EXT1: variants seen among roughly 807,000 people sequenced by gnomAD.
EXT1 encodes exostosin glycosyltransferase 1, also known as exostosin-1.
A neutral mutation model predicts 82.5 loss-of-function variants in EXT1; 20 were observed. That is an observed-to-expected ratio of 0.24 (90% CI 0.17 to 0.35). The LOEUF is 0.35. Among genes scored for constraint, EXT1 ranks in the 10% least tolerant of loss-of-function variants. The probability of loss-of-function intolerance (pLI) is 1.00; values close to 1 mark genes in which losing one functional copy is unlikely to be tolerated. For synonymous variants in EXT1, 348 were observed against 350.8 expected (o/e 0.99, Z 0.09); for missense variants, 757 against 936.5 (o/e 0.81, Z 2.50).
At chr8:117,907,102 T>A (rs1484880011) in intron 1 of EXT1, among the ~76,000 whole-genome samples, 1 of 152,196 alleles carries the variant, frequency 6.6e-6, no homozygotes, top group Non-Finnish European at 1.5e-5. Context: ...CCTCAAGGTA[T>A]CCCTTCTTCC....
chr8:117,945,334 C>T (rs1814366437), intron 1 of EXT1, among the ~76,000 whole-genome samples: 1 of 152,098 alleles, frequency 6.6e-6, no homozygotes, highest in African/African-American at 2.4e-5. Flanking sequence ...ATCATCAGGA[C>T]CCCTCTCTGA....
At chr8:118,096,632 A>G (rs1387491170) in intron 1 of EXT1, among the ~76,000 whole-genome samples, 2 of 13,530 alleles carry the variant, frequency 1.5e-4, no homozygotes, top group South Asian at 7.2e-3. Context: ...GGAAGGAAGG[A>G]AGGAAGGAAG....
intron 1 of EXT1, among the ~76,000 whole-genome samples, chr8:117,923,772 T>C (rs899577945): frequency 3.3e-5 from 5 of 151,220 alleles, no homozygotes; most frequent in African/African-American, 1.2e-4. Context: ...ATGACCCAAC[T>C]TTCCACTCAT....
intron 1 of EXT1, among the ~76,000 whole-genome samples, chr8:118,077,337 A>T (rs1817230069): frequency 6.6e-6 from 1 of 152,222 alleles, no homozygotes; most frequent in Non-Finnish European, 1.5e-5. Flanking sequence ...AACCTGATCA[A>T]ATTCCCACCA....
intron 1 of EXT1, among the ~76,000 whole-genome samples, chr8:118,041,805 C>T (rs13282822): frequency 1.3e-5 from 2 of 151,702 alleles, no homozygotes; most frequent in Non-Finnish European, 2.9e-5. Flanking sequence ...AAAATTAGCT[C>T]GGCGTGGTGG....
chr8:117,829,235 A>G (rs1315145585), intron 4 of EXT1, among the ~76,000 whole-genome samples: 2 of 152,006 alleles, frequency 1.3e-5, no homozygotes, highest in East Asian at 1.9e-4. Flanking sequence ...CCTCAGGCCA[A>G]TGCTATCTGC....
rs537741451 is a variant in EXT1, at chr8:117,886,804, C to T, written c.963-49603G>A. Reference sequence around the variant, plus strand: ...GGTTTCTACCTGCTATGAAGTGGTGCTTAAATGGGCAAAATTATTCAAGGG... The same window carrying T: ...GGTTTCTACCTGCTATGAAGTGGTGTTTAAATGGGCAAAATTATTCAAGGG... On this transcript the variant is annotated intron_variant, in intron 1 of 10. Transcript: ENST00000378204. 5.3e-4 allele frequency among the ~76,000 whole-genome samples: 81 copies of T among 152,170 alleles called. No individual in the cohort carries two copies. The Middle Eastern group carries it at 0.024, about 45-fold the overall frequency.
In EXT1 at chr8:117,835,438, C is replaced by T. The variant is rs1172166916; in HGVS notation, c.1164+6G>A. On this transcript the variant is annotated splice_donor_region_variant and intron_variant, in intron 3 of 10. Transcript: ENST00000378204. ...GATGTGTTGAAGGCCACAGCCCCTT[C>T]CTTACCTGTAATAACAATCTCTCAT... 1 of 1,610,374 alleles carries T rather than the reference C, an allele frequency of 6.2e-7. No homozygotes were observed. Among genetic ancestry groups the T allele is most frequent in the Non-Finnish European group, 8.5e-7 (1 of 1,176,588 alleles).
intron 1 of EXT1, among the ~76,000 whole-genome samples, chr8:117,903,751 G>A (rs2129972797): frequency 6.6e-6 from 1 of 152,254 alleles, no homozygotes; most frequent in South Asian, 2.1e-4. Context: ...CCTCTAATCA[G>A]GAATGTACGG....
chr8:118,064,914 A>T (rs1269436532), intron 1 of EXT1, among the ~76,000 whole-genome samples: 1 of 145,096 alleles, frequency 6.9e-6, no homozygotes, highest in Non-Finnish European at 1.5e-5. Context: ...TTGCAGTGGG[A>T]CAATCTCGGC....
intron 1 of EXT1, among the ~76,000 whole-genome samples, chr8:117,978,408 T>C (rs1035298086): frequency 6.6e-6 from 1 of 152,220 alleles, no homozygotes; most frequent in Non-Finnish European, 1.5e-5. Flanking sequence ...GCAGGCTTTC[T>C]TCAGCCAGTA....
intron 1 of EXT1, among the ~76,000 whole-genome samples, chr8:117,981,540 G>A (rs906533861): frequency 6.6e-6 from 1 of 152,172 alleles, no homozygotes; most frequent in Non-Finnish European, 1.5e-5. Flanking sequence ...CATTGGTGAT[G>A]TATGTTGGTC....
At chr8:117,946,701 C>T (rs947121627) in intron 1 of EXT1, among the ~76,000 whole-genome samples, 1 of 152,026 alleles carries the variant, frequency 6.6e-6, no homozygotes, top group African/African-American at 2.4e-5. Context: ...TGATCCAGGG[C>T]AGGGTGGGAG....
intron 1 of EXT1, among the ~76,000 whole-genome samples, chr8:118,057,417 A>G (rs1202306292): frequency 6.6e-6 from 1 of 152,016 alleles, no homozygotes; most frequent in Non-Finnish European, 1.5e-5. Context: ...GGCTGATGCC[A>G]TAATCCCAGC....
Position 117,861,573 on chromosome 8 carries a change from C to T in EXT1, c.963-24372G>A, listed in dbSNP as rs185192701. On this transcript the variant is annotated intron_variant, in intron 1 of 10. Coordinates refer to ENST00000378204, the MANE Select transcript of EXT1 (RefSeq NM_000127.3). ...GCAGTGGCATGATCTTGGCTCACTG[C>T]AACCTCTGCCTCCCAGGTTCAAGTT... Among the ~76,000 whole-genome samples, 66 of 107,620 alleles carry T rather than the reference C, an allele frequency of 6.1e-4. 9 individuals carry two copies. The highest frequency in any genetic ancestry group is 4.9e-3 in the Middle Eastern group (1 of 206). 70.6% of individuals were successfully genotyped at this position (107,620 alleles called of 152,430 possible).
chr8:117,936,825 A>T (rs1421260450), intron 1 of EXT1, among the ~76,000 whole-genome samples: 1 of 152,216 alleles, frequency 6.6e-6, no homozygotes, highest in Non-Finnish European at 1.5e-5. Context: ...CAGTGAGTTG[A>T]GATCATGCCA....
intron 1 of EXT1, among the ~76,000 whole-genome samples, chr8:117,844,278 G>A (rs1174978686): frequency 6.6e-6 from 1 of 151,618 alleles, no homozygotes; most frequent in African/African-American, 2.4e-5. Context: ...TCAGCCTCCT[G>A]AGTAGGTGGG....
chr8:117,988,242 A>C (rs1181284454), intron 1 of EXT1, among the ~76,000 whole-genome samples: 3 of 152,222 alleles, frequency 2.0e-5, no homozygotes, highest in Admixed American at 1.3e-4. Flanking sequence ...CATATAAAAC[A>C]CTGAGTAGCA....
chr8:117,968,526 CTTAT>C (rs1250006319), intron 1 of EXT1, among the ~76,000 whole-genome samples: 893 of 36,690 alleles, frequency 0.024, 11 homozygotes, highest in Non-Finnish European at 0.027. Flanking sequence ...CTTATTCTGC[CTTAT>C]TTATTTATTT....
Sources: allele counts gnomAD v4.1 joint callset (sites outside exome capture counted in the v4.1 genomes callset), GRCh38; gene constraint gnomAD v4.1.1; transcripts MANE v1.5; gene names NCBI Gene and HGNC (gene_info 2026-07-23, HGNC 2026-07-21).